RIPOR2: variants seen among roughly 807,000 people sequenced by gnomAD.
The protein encoded by RIPOR2 is rho family-interacting cell polarization regulator 2.
In RIPOR2, 39 loss-of-function variants were observed where a neutral mutation model predicts 114.5. That is an observed-to-expected ratio of 0.34 (90% CI 0.26 to 0.44). The LOEUF is 0.44. Ranked by LOEUF, RIPOR2 falls within the 20% of genes least tolerant of loss-of-function variation. RIPOR2 has a pLI of 1.00. For missense variants in RIPOR2, 1,007 were observed against 1,255.1 expected, an observed-to-expected ratio of 0.80 and a Z score of 2.99; for synonymous variants, 445 against 484.4, an observed-to-expected ratio of 0.92 and a Z score of 1.07.
chr6:24,995,215 A>G (rs1774994853), intron 1 of RIPOR2, among the ~76,000 whole-genome samples: 1 of 152,152 alleles, frequency 6.6e-6, no homozygotes, highest in Non-Finnish European at 1.5e-5. Context: ...TTGCCTCTAA[A>G]GGGGTCCTCA....
At chr6:25,002,596 G>A (rs1421537013) in intron 1 of RIPOR2, among the ~76,000 whole-genome samples, 5 of 152,326 alleles carry the variant, frequency 3.3e-5, no homozygotes, top group African/African-American at 1.2e-4. Context: ...AAATACTGAA[G>A]GAACCTGCAG....
At chr6:25,031,485 C>T (rs545158794) in intron 1 of RIPOR2, among the ~76,000 whole-genome samples, 2 of 151,060 alleles carry the variant, frequency 1.3e-5, no homozygotes, top group Non-Finnish European at 1.5e-5. Context: ...AAAAAGTATG[C>T]TGTGCTCTAT....
At chr6:24,945,028 C>T (rs1183269990) in intron 1 of RIPOR2, among the ~76,000 whole-genome samples, 3 of 151,870 alleles carry the variant, frequency 2.0e-5, no homozygotes, top group Non-Finnish European at 4.4e-5. Flanking sequence ...GTTCCCGCCA[C>T]AAAGAAAAGA....
intron 17 of RIPOR2, among the ~76,000 whole-genome samples, chr6:24,828,562 G>C (rs988117470): frequency 6.6e-6 from 1 of 152,106 alleles, no homozygotes; most frequent in African/African-American, 2.4e-5. Flanking sequence ...AAAGTAAGCA[G>C]CTGGATGGTT....
At chr6:24,866,330 A>G (rs1764595477) in intron 6 of RIPOR2, among the ~76,000 whole-genome samples, 2 of 152,196 alleles carry the variant, frequency 1.3e-5, no homozygotes, top group Non-Finnish European at 2.9e-5. Context: ...ATACTCATAT[A>G]AGCCTGATAA....
At chr6:25,027,646 A>C (rs1341063050) in intron 1 of RIPOR2, among the ~76,000 whole-genome samples, 2 of 152,170 alleles carry the variant, frequency 1.3e-5, no homozygotes, top group Admixed American at 1.3e-4. Context: ...GGGCGCCCCC[A>C]GTGCTGGGGA....
At chr6:24,811,657 C>CTTT (rs1222503239) in intron 20 of RIPOR2, among the ~76,000 whole-genome samples, 10 of 21,740 alleles carry the variant, frequency 4.6e-4, no homozygotes, top group African/African-American at 7.5e-4. Context: ...TCGTTTAGTA[C>CTTT]TTTTTTTTTT....
rs752954589 is a variant in RIPOR2, at chr6:24,976,585, G to T, written c.76+65266C>A. 18 of 1,604,112 alleles carry T rather than the reference G, an allele frequency of 1.1e-5. No homozygotes were observed. The Admixed American group carries it at 3.0e-4, about 27-fold the overall frequency. ...TGCAGACAAGGTCCCAAAGACAGCA[G>T]AAAATTTTCGTGCTCTGAGCACTGG... On this transcript the variant is annotated intron_variant, in intron 1 of 13. Transcript: ENST00000510784.
At chr6:24,868,404 CA>C (rs1562287568) in intron 6 of RIPOR2, among the ~76,000 whole-genome samples, 1 of 152,132 alleles carries the variant, frequency 6.6e-6, no homozygotes, top group African/African-American at 2.4e-5. Flanking sequence ...TAGATATAGA[CA>C]AACAGGAATT....
At chr6:24,868,906 G>A (rs1185371151) in intron 6 of RIPOR2, among the ~76,000 whole-genome samples, 188 bp downstream of exon 6, 3 of 152,196 alleles carry the variant, frequency 2.0e-5, no homozygotes, top group African/African-American at 7.2e-5. Context: ...ACTGTGCTGG[G>A]CCATCAGGCC....
At chr6:24,944,705 G>A (rs1772321221) in intron 1 of RIPOR2, among the ~76,000 whole-genome samples, 1 of 152,112 alleles carries the variant, frequency 6.6e-6, no homozygotes, top group Non-Finnish European at 1.5e-5. Context: ...GAAGCTCAAT[G>A]AATTTCAAGT....
intron 1 of RIPOR2, among the ~76,000 whole-genome samples, chr6:24,979,396 C>G (rs1393903118): frequency 6.6e-6 from 1 of 151,600 alleles, no homozygotes. Context: ...AGACCACACC[C>G]TCTTCCAAGT....
At chr6:25,032,312 C>T (rs532054803) in intron 1 of RIPOR2, among the ~76,000 whole-genome samples, 19 of 152,128 alleles carry the variant, frequency 1.2e-4, no homozygotes, top group African/African-American at 4.3e-4. Flanking sequence ...TCTCAGACTC[C>T]GTTTTTCTTG....
intron 1 of RIPOR2, among the ~76,000 whole-genome samples, chr6:25,021,678 T>C (rs76031408): frequency 6.6e-6 from 1 of 152,056 alleles, no homozygotes; most frequent in African/African-American, 2.4e-5. Context: ...AGACTGCAAA[T>C]TGGGCTCAGT....
intron 1 of RIPOR2, among the ~76,000 whole-genome samples, chr6:24,898,247 T>G (rs73400429): frequency 0.016 from 2,379 of 152,228 alleles, 57 homozygotes; most frequent in African/African-American, 0.054. Context: ...TTTGCTGTGT[T>G]TTCCTACTTA....
chr6:25,015,898 T>TTTTG (rs1775961786), intron 1 of RIPOR2: 1 of 81,388 alleles, frequency 1.2e-5, no homozygotes, highest in Non-Finnish European at 2.2e-5. Flanking sequence ...GTTTTTTGGT[T>TTTTG]TTTTTTTTTT....
chr6:24,959,813 G>A (rs1465419248), intron 1 of RIPOR2, among the ~76,000 whole-genome samples: 1 of 152,158 alleles, frequency 6.6e-6, no homozygotes, highest in Non-Finnish European at 1.5e-5. Context: ...ACTCCACGGG[G>A]AAGGTCTGTG....
rs760676508 is a variant in RIPOR2 at position 24,843,074 on chromosome 6, TCTTGACCAGCTG to T, written c.1633_1644del (p.Gln545_Lys548del). On this transcript the variant is annotated inframe_deletion, in exon 13 of 22. Coordinates refer to ENST00000643898, the MANE Select transcript of RIPOR2 (RefSeq NM_001286445.3). ...ATTGGCACCTCTGCAGATGTGAGCC[TCTTGACCAGCTG>T]CTTTGTGATGTTTCCTTCCGAAGTG... is the stretch of plus-strand genomic sequence containing the variant. 67 of 1,613,866 alleles carry T rather than the reference TCTTGACCAGCTG, an allele frequency of 4.2e-5. No homozygotes were observed. Among genetic ancestry groups the T allele is most frequent in the Non-Finnish European group, 5.4e-5 (64 of 1,179,880 alleles).
chr6:24,851,570 AG>A (rs1391088133), intron 9 of RIPOR2, among the ~76,000 whole-genome samples: 1 of 152,158 alleles, frequency 6.6e-6, no homozygotes, highest in African/African-American at 2.4e-5. Context: ...ATGAGTATAG[AG>A]GGTTTTGGAG....
Sources: gnomAD v4.1 joint callset for allele counts (sites outside exome capture counted in the v4.1 genomes callset) on GRCh38, gnomAD v4.1.1 for gene constraint, MANE v1.5 for transcripts, NCBI Gene and HGNC (gene_info 2026-07-23, HGNC 2026-07-21) for gene names.